MCPH1: variants seen among roughly 807,000 people sequenced by gnomAD.
MCPH1 encodes microcephalin.
MCPH1 carries 104 observed loss-of-function variants against 84.5 expected under a neutral mutation model. The ratio of observed to expected loss-of-function variants is 1.23; its 90% CI spans 1.05 to 1.45. MCPH1 has a LOEUF of 1.45. MCPH1 is among the 40% of genes most tolerant of loss of function. The pLI, the probability that MCPH1 is intolerant of heterozygous loss-of-function variation, is 0.00. For synonymous variants in MCPH1, 514 were observed against 366.8 expected, an observed-to-expected ratio of 1.40 and a Z score of -4.58; for missense variants, 1,498 against 1,005.7, an observed-to-expected ratio of 1.49 and a Z score of -6.62.
Position 6,624,830 on chromosome 8 carries a change from G to C in MCPH1, c.2452+3139G>C, listed in dbSNP as rs1831890113. The C allele has an allele frequency of 6.1e-6, 6 of 984,652 alleles. No individual in the cohort carries two copies. The South Asian group carries it at 2.8e-4, about 46-fold the overall frequency. 61.0% of individuals were successfully genotyped at this position (984,652 alleles called of 1,614,324 possible). A position where few individuals can be genotyped will look rare whatever the true frequency, so the allele number is the denominator to read the frequency against. ...GCATTGCGTTTCCTGCCTCATCCAG[G>C]TCCAGGCTATTTGCTTATTCTCTAA... On this transcript the variant is annotated intron_variant, in intron 13 of 13. Coordinates refer to ENST00000344683, the MANE Select transcript of MCPH1 (RefSeq NM_024596.5).
In MCPH1 at chr8:6,520,029, C is replaced by A; in HGVS notation, c.2214+20100C>A. On this transcript the variant is annotated intron_variant, in intron 12 of 13. Transcript: ENST00000344683. ...AATAGTAAGGCATTTAAACGGAGTT[C>A]ATGAAAAGACAAAGACTTGTTATTT... 4.4e-6 allele frequency: 7 copies of A among 1,605,982 alleles called. No homozygotes were observed. The South Asian group carries it at 6.7e-5, about 15-fold the overall frequency.
Position 6,646,816 on chromosome 8 carries a change from C to A in MCPH1, c.*3767C>A, listed in dbSNP as rs562387023. ...TGTGCCCTGGAGAGCAAAACTGTTT[C>A]CAGTTGAGAACCATTGACCTAATGT... On this transcript the variant is annotated 3_prime_UTR_variant, in exon 14 of 14. Transcript: ENST00000344683. The A allele has an allele frequency of 6.6e-6, 1 of 152,206 alleles. No homozygotes were observed. The highest frequency in any genetic ancestry group is 2.1e-4 in the South Asian group (1 of 4,814). The allele number at this position is 152,206 out of a possible 1,614,324, so 9.4% of individuals were successfully genotyped here.
chr8:6,510,852 G>A (rs559962740), intron 12 of MCPH1, among the ~76,000 whole-genome samples: 2 of 152,282 alleles, frequency 1.3e-5, no homozygotes, highest in East Asian at 3.9e-4. Flanking sequence ...TTCATCCTAA[G>A]GCATGAACTG....
chr8:6,420,239 G>T (rs1173049032), intron 3 of MCPH1, among the ~76,000 whole-genome samples: 1 of 152,128 alleles, frequency 6.6e-6, no homozygotes, highest in Non-Finnish European at 1.5e-5. Context: ...CTTCCCTGGA[G>T]TGGGTGCTGT....
chr8:6,570,994 G>A (rs905206971), intron 12 of MCPH1, among the ~76,000 whole-genome samples: 1 of 151,608 alleles, frequency 6.6e-6, no homozygotes, highest in African/African-American at 2.4e-5. Flanking sequence ...AAATATCCAA[G>A]TAACTATTTT....
chr8:6,529,693 G>A (rs184953207), intron 12 of MCPH1, among the ~76,000 whole-genome samples: 39 of 141,606 alleles, frequency 2.8e-4, no homozygotes, highest in African/African-American at 1.0e-3. Flanking sequence ...TCGGACTCCT[G>A]ATCTCAAGCG....
chr8:6,523,622 C>T (rs1327718388), intron 12 of MCPH1, among the ~76,000 whole-genome samples: 1 of 152,082 alleles, frequency 6.6e-6, no homozygotes, highest in Non-Finnish European at 1.5e-5. Flanking sequence ...CGGAGTCTCG[C>T]GCTGTGGCCT....
intron 3 of MCPH1, among the ~76,000 whole-genome samples, chr8:6,421,947 C>G (rs1800267875): frequency 6.6e-6 from 1 of 152,218 alleles, no homozygotes; most frequent in African/African-American, 2.4e-5. Context: ...ATTCTAAACC[C>G]AGTTTTGTAG....
intron 13 of MCPH1, among the ~76,000 whole-genome samples, chr8:6,637,369 A>C (rs1797631306): frequency 6.6e-6 from 1 of 152,216 alleles, no homozygotes; most frequent in Non-Finnish European, 1.5e-5. Context: ...GATGAAGAGA[A>C]GGATGGACTC....
chr8:6,445,877 G>T, intron 8 of MCPH1: 1 of 1,058,212 alleles, frequency 9.4e-7, no homozygotes, highest in East Asian at 7.2e-5. Flanking sequence ...GAGTCTTGGC[G>T]CTGCAGCGTG....
At chr8:6,596,797 G>C (rs1172358370) in intron 12 of MCPH1, among the ~76,000 whole-genome samples, 1 of 152,192 alleles carries the variant, frequency 6.6e-6, no homozygotes, top group Non-Finnish European at 1.5e-5. Context: ...TGCTGAAATT[G>C]ATAGCCTCCT....
intron 12 of MCPH1, among the ~76,000 whole-genome samples, chr8:6,512,851 T>C (rs1021946215): frequency 6.6e-6 from 1 of 152,246 alleles, no homozygotes; most frequent in African/African-American, 2.4e-5. Flanking sequence ...GAATCTGATG[T>C]ATTTCCTGTA....
intron 12 of MCPH1, among the ~76,000 whole-genome samples, chr8:6,596,920 G>A (rs529247595): frequency 6.6e-6 from 1 of 152,294 alleles, no homozygotes; most frequent in African/African-American, 2.4e-5. Context: ...GAAAACTCTT[G>A]TATAGAGGAT....
At chr8:6,515,782 A>G (rs117572681) in intron 12 of MCPH1, among the ~76,000 whole-genome samples, 2 of 152,214 alleles carry the variant, frequency 1.3e-5, no homozygotes, top group Non-Finnish European at 2.9e-5. Context: ...GTTGTGTCCC[A>G]TGGTCTTTTT....
chr8:6,562,878 A>G (rs1276368906), intron 12 of MCPH1: 2 of 1,610,952 alleles, frequency 1.2e-6, no homozygotes, highest in Non-Finnish European at 1.7e-6. Context: ...GAAAGTTGTT[A>G]TAGGCTGCGG....
chr8:6,528,318 T>G (rs2515464), intron 12 of MCPH1, among the ~76,000 whole-genome samples: 98,197 of 152,132 alleles, frequency 0.65, 32,289 homozygotes, highest in East Asian at 0.87. Context: ...AGTAGGAGTA[T>G]AAAATGGTCA....
At chr8:6,616,262 C>A (rs1830782580) in intron 12 of MCPH1, 1 of 152,142 alleles carries the variant, frequency 6.6e-6, no homozygotes, top group Non-Finnish European at 1.5e-5. Flanking sequence ...AGGGTGAGCT[C>A]TGCCTAGAGG....
chr8:6,459,661 T>C (rs1806063349), intron 9 of MCPH1, among the ~76,000 whole-genome samples: 1 of 152,236 alleles, frequency 6.6e-6, no homozygotes, highest in South Asian at 2.1e-4. Flanking sequence ...CCAGCCTACA[T>C]GCTATTTCTG....
chr8:6,427,491 C>T (rs1008311228), intron 3 of MCPH1, among the ~76,000 whole-genome samples: 17 of 152,160 alleles, frequency 1.1e-4, no homozygotes, highest in Non-Finnish European at 1.9e-4. Context: ...CCTGCCTCAG[C>T]TTCCTGAGGA....
Sources: allele counts gnomAD v4.1 joint callset (sites outside exome capture counted in the v4.1 genomes callset), GRCh38; gene constraint gnomAD v4.1.1; transcripts MANE v1.5; gene names NCBI Gene and HGNC (gene_info 2026-07-23, HGNC 2026-07-21).